Variants in CADM2 observed in about 807,000 individuals in gnomAD.
The protein encoded by CADM2 is cell adhesion molecule 2.
Under a neutral mutation model 49.8 loss-of-function variants are expected in CADM2, and 12 were observed. That is an observed-to-expected ratio of 0.24 (90% confidence interval 0.15 to 0.39). CADM2 has a LOEUF of 0.39. CADM2 is among the 10% of genes least tolerant of loss of function. The pLI is 1.00. For synonymous variants in CADM2, 214 were observed against 175.4 expected (o/e 1.22, Z -1.74); for missense variants, 378 against 492.3 (o/e 0.77, Z 2.20).
chr3:85,327,465 A>G (rs140650799), intron 1 of CADM2, among the ~76,000 whole-genome samples: 1 of 151,424 alleles, frequency 6.6e-6, no homozygotes, highest in African/African-American at 2.4e-5. Flanking sequence ...TATGTTGGCC[A>G]GGCTGTAATC....
intron 1 of CADM2, among the ~76,000 whole-genome samples, chr3:85,683,621 C>A (rs1054971425): frequency 6.6e-6 from 1 of 152,072 alleles, no homozygotes; most frequent in South Asian, 2.1e-4. Context: ...ATGTCAAGTT[C>A]TTTTTGCTGA....
intron 1 of CADM2, among the ~76,000 whole-genome samples, chr3:85,031,384 CCTTCTCAGCT>C (rs1246613607): frequency 6.6e-6 from 1 of 152,126 alleles, no homozygotes; most frequent in African/African-American, 2.4e-5. Context: ...ATTTTCTTTA[CCTTCTCAGCT>C]CTTCTCAGCA....
chr3:85,186,850 A>G (rs1435440402), intron 1 of CADM2, among the ~76,000 whole-genome samples: 1 of 152,194 alleles, frequency 6.6e-6, no homozygotes, highest in Non-Finnish European at 1.5e-5. Context: ...TAAAAAGAAC[A>G]GGTAATTTCT....
At chr3:85,692,962 G>T (rs1261119111) in intron 1 of CADM2, among the ~76,000 whole-genome samples, 2 of 152,122 alleles carry the variant, frequency 1.3e-5, no homozygotes, top group Non-Finnish European at 2.9e-5. Context: ...GGGCGGAGTG[G>T]TTCATGCCTG....
chr3:85,941,483 T>TA (rs1179452112), intron 7 of CADM2, among the ~76,000 whole-genome samples: 1 of 152,076 alleles, frequency 6.6e-6, no homozygotes, highest in African/African-American at 2.4e-5. Flanking sequence ...TATTTGAAGT[T>TA]AAATAATAAT....
At chr3:85,073,648 C>T (rs1377364881) in intron 1 of CADM2, among the ~76,000 whole-genome samples, 2 of 152,036 alleles carry the variant, frequency 1.3e-5, no homozygotes, top group African/African-American at 4.8e-5. Context: ...CACATTGATA[C>T]AGGTATAAAG....
intron 6 of CADM2, among the ~76,000 whole-genome samples, chr3:85,921,532 GAGCAGAA>G (rs1357773970): frequency 1.3e-5 from 2 of 151,912 alleles, no homozygotes; most frequent in Admixed American, 6.6e-5. Flanking sequence ...CTGATTAGCT[GAGCAGAA>G]AGTACAGAGG....
chr3:85,732,094 CAAAAAA>C (rs3044020), intron 2 of CADM2, among the ~76,000 whole-genome samples: 5 of 90,800 alleles, frequency 5.5e-5, no homozygotes, highest in African/African-American at 1.8e-4. Flanking sequence ...CTAAGAATAC[CAAAAAA>C]AAAAAAAAAA....
chr3:85,973,508 T>C (rs1726410755), intron 8 of CADM2, among the ~76,000 whole-genome samples: 1 of 151,782 alleles, frequency 6.6e-6, no homozygotes, highest in Non-Finnish European at 1.5e-5. Flanking sequence ...GAAACAAAAA[T>C]GCAAGCAATA....
intron 1 of CADM2, among the ~76,000 whole-genome samples, chr3:85,433,198 G>T (rs899263374): frequency 1.3e-5 from 2 of 151,708 alleles, no homozygotes; most frequent in Non-Finnish European, 2.9e-5. Flanking sequence ...TATAGAATAT[G>T]ACATTAAAAT....
chr3:85,468,179 A>C (rs901713597), intron 1 of CADM2, among the ~76,000 whole-genome samples: 1 of 144,600 alleles, frequency 6.9e-6, no homozygotes, highest in Non-Finnish European at 1.5e-5. Context: ...AAAAAAAAAA[A>C]AACATTGAGG....
chr3:85,004,242 G>A (rs546064222), intron 1 of CADM2, among the ~76,000 whole-genome samples: 8 of 152,006 alleles, frequency 5.3e-5, no homozygotes, highest in Non-Finnish European at 1.2e-4. Flanking sequence ...GCAACGAAGC[G>A]TTTGCTGGTT....
chr3:85,787,661 TC>T (rs1308842571), intron 2 of CADM2, among the ~76,000 whole-genome samples: 2 of 152,114 alleles, frequency 1.3e-5, no homozygotes, highest in Non-Finnish European at 2.9e-5. Flanking sequence ...ATATAAATGA[TC>T]CTGCACAGTT....
intron 2 of CADM2, among the ~76,000 whole-genome samples, chr3:85,797,640 T>G (rs1477007414): frequency 6.6e-6 from 1 of 152,242 alleles, no homozygotes; most frequent in East Asian, 1.9e-4. Context: ...GTGCCACATT[T>G]TCTTTATCCA....
intron 1 of CADM2, among the ~76,000 whole-genome samples, chr3:85,325,755 T>C (rs940966114): frequency 6.6e-5 from 10 of 152,044 alleles, no homozygotes; most frequent in African/African-American, 2.4e-4. Context: ...ATTTAATTTT[T>C]TATCAGGAGC....
chr3:85,845,753 T>G (rs1028255549), intron 3 of CADM2, among the ~76,000 whole-genome samples: 2 of 152,226 alleles, frequency 1.3e-5, no homozygotes, highest in Non-Finnish European at 2.9e-5. Flanking sequence ...ACGTGCCTTA[T>G]AGAATACTAC....
intron 1 of CADM2, among the ~76,000 whole-genome samples, chr3:84,961,738 T>C (rs17022112): frequency 0.081 from 12,367 of 152,178 alleles, 699 homozygotes; most frequent in Admixed American, 0.19. Context: ...CTAGATGTAT[T>C]TTCCCTGCCA....
intron 2 of CADM2, among the ~76,000 whole-genome samples, chr3:85,772,592 G>C (rs1204712730): frequency 6.6e-6 from 1 of 152,062 alleles, no homozygotes; most frequent in Non-Finnish European, 1.5e-5. Context: ...ATTTCAAAGT[G>C]TTAATTAATA....
intron 8 of CADM2, among the ~76,000 whole-genome samples, chr3:86,025,218 C>G (rs9839938): frequency 0.29 from 44,547 of 151,636 alleles, 8,118 homozygotes; most frequent in African/African-American, 0.52. Context: ...ACCACGCCAG[C>G]CTAATTTTTT....
Sources: allele counts gnomAD v4.1 joint callset (sites outside exome capture counted in the v4.1 genomes callset), GRCh38; gene constraint gnomAD v4.1.1; transcripts MANE v1.5; gene names NCBI Gene and HGNC (gene_info 2026-07-23, HGNC 2026-07-21).